Variants in PBX4 observed in about 807,000 individuals in gnomAD.
PBX4 encodes pre-B-cell leukemia transcription factor 4.
PBX4 carries 26 observed loss-of-function variants against 35.1 expected under a neutral mutation model. The ratio of observed to expected loss-of-function variants is 0.74; its 90% CI spans 0.54 to 1.03. The LOEUF is 1.03. Ranked by LOEUF, PBX4 falls within the 50% of genes least tolerant of loss-of-function variation. The pLI, the probability that PBX4 is intolerant of heterozygous loss-of-function variation, is 0.00. For synonymous variants in PBX4, 199 were observed against 204.2 expected (o/e 0.97, Z 0.22); for missense variants, 448 against 504.3 (o/e 0.89, Z 1.07).
chr19:19,589,401 T>C (rs1361873364), intron 2 of PBX4, among the ~76,000 whole-genome samples: 1 of 149,662 alleles, frequency 6.7e-6, no homozygotes, highest in Non-Finnish European at 1.5e-5. Context: ...ACCACTGCAC[T>C]CCAGCCTGGG....
At position 19,562,100 on chromosome 19, in the gene PBX4, C is replaced by CT. The variant is rs772034081; in HGVS notation, c.1049dup (p.Ala352GlyfsTer23). On this transcript the variant is annotated frameshift_variant, in exon 8 of 8. Transcript: ENST00000251203. LOFTEE classifies it low-confidence loss of function (END_TRUNC). This position sits in a 1 kb window ranked among gnomAD's most constrained non-coding sequence, Gnocchi z 4.8. ...CAGTTGCAGGTTGGGGGGTGGCCCCCTGCCAGCTACCCTGGGCCTGAAACG... is the reference window on the plus strand; with the variant it reads ...CAGTTGCAGGTTGGGGGGTGGCCCCCTTGCCAGCTACCCTGGGCCTGAAACG... The CT allele has an allele frequency of 6.2e-7, 1 of 1,611,670 alleles. No individual in the cohort carries two copies. Among genetic ancestry groups the CT allele is most frequent in the South Asian group, 1.1e-5 (1 of 90,494 alleles).
At chr19:19,615,667 A>G (rs934363319) in intron 1 of PBX4, among the ~76,000 whole-genome samples, 8 of 152,302 alleles carry the variant, frequency 5.3e-5, no homozygotes, top group Middle Eastern at 3.4e-3. Context: ...TGAGGTAGGC[A>G]GATCACCTAA....
chr19:19,563,654 GC>G lies in PBX4; in HGVS notation c.926-40del, dbSNP rs955695045. 6.6e-7 allele frequency: 1 copy of G among 1,512,286 alleles called. No homozygotes were observed. Among genetic ancestry groups the G allele is most frequent in the African/African-American group, 1.4e-5 (1 of 72,072 alleles). 93.7% of individuals were successfully genotyped at this position (1,512,286 alleles called of 1,614,324 possible). On this transcript the variant is annotated intron_variant, in intron 6 of 7. Coordinates refer to ENST00000251203, the MANE Select transcript of PBX4 (RefSeq NM_025245.3). The surrounding 1 kb of genome is among the most constrained non-coding windows in gnomAD (Gnocchi z 5.1). ...GAGCCGGGGTGGGCAGAGTCGTGGC[GC>G]CTCCTCAGGTGGAACCCACCCAGCC...
chr19:19,598,277 T>C (rs996329052), intron 2 of PBX4, among the ~76,000 whole-genome samples: 1 of 149,626 alleles, frequency 6.7e-6, no homozygotes, highest in Non-Finnish European at 1.5e-5. Context: ...TTTTTTCAAC[T>C]TTTCTTTTTC....
intron 5 of PBX4, among the ~76,000 whole-genome samples, chr19:19,569,212 C>T (rs1037279340): frequency 6.6e-6 from 1 of 152,168 alleles, no homozygotes; most frequent in South Asian, 2.1e-4. Flanking sequence ...GTGCACACCA[C>T]CAAGCCCAGC....
At chr19:19,574,905 G>C (rs148526446) in intron 2 of PBX4, among the ~76,000 whole-genome samples, 2,694 of 151,934 alleles carry the variant, frequency 0.018, 85 homozygotes, top group South Asian at 0.11. Context: ...GGCTGGTCTC[G>C]AACTCCTAAC....
chr19:19,590,691 A>C (rs1429763388), intron 2 of PBX4, among the ~76,000 whole-genome samples: 1 of 151,904 alleles, frequency 6.6e-6, no homozygotes, highest in Non-Finnish European at 1.5e-5. Context: ...CTGGTCTCGA[A>C]CCCCTGACCT....
In PBX4 at chr19:19,563,633, C is replaced by G. The variant is rs571309012; in HGVS notation, c.926-18G>C. ...AGAGGAGCCTGGAAGAGATGGGAGCCGGGGTGGGCAGAGTCGTGGCGCCTC... is the reference window on the plus strand; with the variant it reads ...AGAGGAGCCTGGAAGAGATGGGAGCGGGGGTGGGCAGAGTCGTGGCGCCTC... On this transcript the variant is annotated intron_variant, in intron 6 of 7. Coordinates refer to ENST00000251203, the MANE Select transcript of PBX4 (RefSeq NM_025245.3). This position sits in a 1 kb window ranked among gnomAD's most constrained non-coding sequence, Gnocchi z 5.1. 1.0e-5 allele frequency: 16 copies of G among 1,545,218 alleles called. No individual in the cohort carries two copies. The highest frequency in any genetic ancestry group is 1.4e-5 in the Non-Finnish European group (16 of 1,143,812).
At chr19:19,586,887 C>G (rs1036862699) in intron 2 of PBX4, among the ~76,000 whole-genome samples, 7 of 151,044 alleles carry the variant, frequency 4.6e-5, no homozygotes, top group Admixed American at 4.0e-4. Context: ...GCCGAGATCG[C>G]GCCACTGTAC....
rs527975204 is a variant in PBX4 at position 19,585,218 on chromosome 19, G to T, written c.193+14074C>A. On this transcript the variant is annotated intron_variant, in intron 2 of 7. Transcript: ENST00000251203. ...TGCACACCTGTAATTCCAGCTACTT[G>T]GGGGGCTGAGGCAGGAGAATCTCTT... is the stretch of plus-strand genomic sequence containing the variant. Among the ~76,000 whole-genome samples the T allele has an allele frequency of 1.2e-4, 18 of 152,024 alleles. 2 individuals are homozygous for T. In the South Asian group the frequency reaches 3.7e-3, roughly 32 times the overall value.
intron 1 of PBX4, among the ~76,000 whole-genome samples, chr19:19,603,813 C>T (rs996136052): frequency 6.6e-5 from 10 of 151,714 alleles, no homozygotes; most frequent in Non-Finnish European, 1.5e-4. Context: ...AAAAATTAGC[C>T]GGGCATGATG....
chr19:19,602,791 A>G (rs982999132), intron 1 of PBX4, among the ~76,000 whole-genome samples: 3 of 151,586 alleles, frequency 2.0e-5, no homozygotes, highest in Admixed American at 2.0e-4. Flanking sequence ...TGCCCTTCCC[A>G]GGGCTAGCTT....
intron 1 of PBX4, among the ~76,000 whole-genome samples, chr19:19,610,704 G>A (rs2061658547): frequency 6.6e-6 from 1 of 151,982 alleles, no homozygotes; most frequent in Admixed American, 6.6e-5. Flanking sequence ...GCAGTGAGCC[G>A]AGATTACGCC....
chr19:19,604,783 G>C (rs1331687641), intron 1 of PBX4, among the ~76,000 whole-genome samples: 2 of 151,378 alleles, frequency 1.3e-5, no homozygotes, highest in Non-Finnish European at 2.9e-5. Flanking sequence ...TATGTTTTTA[G>C]TATAGACAGG....
chr19:19,605,541 G>A (rs554204952), intron 1 of PBX4, among the ~76,000 whole-genome samples: 1 of 151,554 alleles, frequency 6.6e-6, no homozygotes, highest in Non-Finnish European at 1.5e-5. Flanking sequence ...TGGGAGGATC[G>A]CTTGAACTCA....
chr19:19,576,254 T>G (rs1235734870), intron 2 of PBX4, among the ~76,000 whole-genome samples: 3 of 151,930 alleles, frequency 2.0e-5, no homozygotes, highest in Non-Finnish European at 4.4e-5. Context: ...TGAGACGAAG[T>G]CTCGCTCTGT....
intron 2 of PBX4, among the ~76,000 whole-genome samples, chr19:19,576,703 G>T (rs187201895): frequency 6.6e-6 from 1 of 151,608 alleles, no homozygotes; most frequent in African/African-American, 2.4e-5. Flanking sequence ...CTGTAACCTC[G>T]ACCTCCTGGG....
chr19:19,562,701 G>GT lies in PBX4; in HGVS notation c.1033-585dup, dbSNP rs2061315182. ...GGAAGTGGCTGGGACTGCTCTGCCC[G>GT]TGAGTGTGGGAGCAGCTCAGACGGG... On this transcript the variant is annotated intron_variant, in intron 7 of 7. Coordinates refer to ENST00000251203, the MANE Select transcript of PBX4 (RefSeq NM_025245.3). The surrounding 1 kb of genome is among the most constrained non-coding windows in gnomAD (Gnocchi z 4.8). Among the ~76,000 whole-genome samples, 1 of 152,208 alleles carries GT rather than the reference G, an allele frequency of 6.6e-6. No homozygotes were observed. The highest frequency in any genetic ancestry group is 2.4e-5 in the African/African-American group (1 of 41,460).
At chr19:19,618,077 A>T (rs1202716719) in intron 1 of PBX4, among the ~76,000 whole-genome samples, 1 of 151,972 alleles carries the variant, frequency 6.6e-6, no homozygotes, top group East Asian at 1.9e-4. Flanking sequence ...AGGAGAATCA[A>T]CTGAGCCGGG....
Sources: allele counts gnomAD v4.1 joint callset (sites outside exome capture counted in the v4.1 genomes callset), GRCh38; gene constraint gnomAD v4.1.1; non-coding constraint Gnocchi (gnomAD v3.1); transcripts MANE v1.5; gene names NCBI Gene and HGNC (gene_info 2026-07-23, HGNC 2026-07-21).